The following ICA1 variants were observed in gnomAD, a reference collection of about 807,000 sequenced individuals.
ICA1 encodes 69 kDa islet cell autoantigen.
Under a neutral mutation model 71.0 loss-of-function variants are expected in ICA1, and 40 were observed. The observed-to-expected ratio is 0.56, with a 90% CI of 0.44 to 0.73. The LOEUF is 0.73. Ranked by LOEUF, ICA1 falls within the 30% of genes least tolerant of loss-of-function variation. The pLI, the probability that ICA1 is intolerant of heterozygous loss-of-function variation, is 0.00. For synonymous variants in ICA1, 207 were observed against 209.5 expected (o/e 0.99, Z 0.10); for missense variants, 578 against 576.5 (o/e 1.00, Z -0.03).
chr7:8,190,850 G>A (rs1212924000), intron 6 of ICA1, among the ~76,000 whole-genome samples: 1 of 152,222 alleles, frequency 6.6e-6, no homozygotes, highest in Non-Finnish European at 1.5e-5. Flanking sequence ...TCTGGGCTGA[G>A]TGTTTAGGGA....
chr7:8,200,248 A>G (rs1182557887), intron 6 of ICA1, among the ~76,000 whole-genome samples: 2 of 140,726 alleles, frequency 1.4e-5, no homozygotes, highest in Non-Finnish European at 3.0e-5. Flanking sequence ...CTGAACATTT[A>G]TTCAGTTAAA....
At chr7:8,136,650 A>G (rs2128106935) in intron 12 of ICA1, among the ~76,000 whole-genome samples, 1 of 152,350 alleles carries the variant, frequency 6.6e-6, no homozygotes, top group African/African-American at 2.4e-5. Context: ...GAGAAAGAGA[A>G]AAGACAAATT....
At chr7:8,139,097 A>G in intron 10 of ICA1, 50 bp from the exon 11 acceptor site, 1 of 1,401,630 alleles carries the variant, frequency 7.1e-7, no homozygotes, top group South Asian at 1.2e-5. Flanking sequence ...AATGGTGTGC[A>G]TGTTCATACG....
chr7:8,146,175 G>A (rs1010716489), intron 8 of ICA1, among the ~76,000 whole-genome samples: 6 of 152,164 alleles, frequency 3.9e-5, no homozygotes, highest in Admixed American at 3.3e-4. Context: ...ATTAGCTAGC[G>A]ATGGGTCTAG....
At chr7:8,169,047 C>A (rs539963374) in intron 6 of ICA1, among the ~76,000 whole-genome samples, 72 of 152,252 alleles carry the variant, frequency 4.7e-4, no homozygotes, top group African/African-American at 1.7e-3. Context: ...AACTACTAAT[C>A]TGACTTCTGT....
intron 6 of ICA1, among the ~76,000 whole-genome samples, chr7:8,177,830 T>A (rs1781066844): frequency 6.6e-6 from 1 of 152,156 alleles, no homozygotes; most frequent in South Asian, 2.1e-4. Context: ...CTGAATAGAG[T>A]GAATGGGGAA....
At chr7:8,180,882 A>G (rs1385618798) in intron 6 of ICA1, among the ~76,000 whole-genome samples, 1 of 149,914 alleles carries the variant, frequency 6.7e-6, no homozygotes, top group Non-Finnish European at 1.5e-5. Flanking sequence ...TGTTCTGGAT[A>G]CAAGTCCCTT....
intron 2 of ICA1, 27 bp from the exon 3 acceptor site, chr7:8,232,782 T>C: frequency 6.6e-7 from 1 of 1,517,012 alleles, no homozygotes; most frequent in Non-Finnish European, 8.9e-7. Context: ...AACTATTTTA[T>C]TCACACCTTT....
intron 6 of ICA1, among the ~76,000 whole-genome samples, chr7:8,189,571 T>G (rs1724249856): frequency 6.6e-6 from 1 of 152,230 alleles, no homozygotes; most frequent in Non-Finnish European, 1.5e-5. Flanking sequence ...TCTTCTTCTT[T>G]TTTTTAAATG....
chr7:8,120,661 T>C (rs774290692), intron 13 of ICA1, among the ~76,000 whole-genome samples: 39 of 152,102 alleles, frequency 2.6e-4, no homozygotes, highest in Non-Finnish European at 4.0e-4. Context: ...GAGAACAAAA[T>C]GACTACCCTA....
At chr7:8,200,680 T>A (rs553998177) in intron 6 of ICA1, among the ~76,000 whole-genome samples, 2 of 152,326 alleles carry the variant, frequency 1.3e-5, no homozygotes, top group African/African-American at 4.8e-5. Context: ...TAGACTGTAG[T>A]TGACTACTGA....
chr7:8,208,663 G>T (rs968757450), intron 6 of ICA1, among the ~76,000 whole-genome samples: 1 of 152,184 alleles, frequency 6.6e-6, no homozygotes, highest in Non-Finnish European at 1.5e-5. Flanking sequence ...AACTACAGAG[G>T]CGAGAGATAG....
At chr7:8,152,897 C>T (rs201691310) in intron 8 of ICA1, among the ~76,000 whole-genome samples, 1 of 99,168 alleles carries the variant, frequency 1.0e-5, no homozygotes, top group East Asian at 3.5e-4. Flanking sequence ...CCACTACCAC[C>T]ATTATCTCCT....
chr7:8,238,064 T>G (rs1399424211), intron 1 of ICA1, among the ~76,000 whole-genome samples: 1 of 152,208 alleles, frequency 6.6e-6, no homozygotes, highest in Non-Finnish European at 1.5e-5. Context: ...TTATGTCGTT[T>G]TGCCTAAAGT....
Position 8,222,905 on chromosome 7 carries a change from G to A in ICA1, c.257-1507C>T. Among the ~76,000 whole-genome samples, 1 of 152,094 alleles carries A rather than the reference G, an allele frequency of 6.6e-6. No individual in the cohort carries two copies. The highest frequency in any genetic ancestry group is 6.6e-5 in the Admixed American group (1 of 15,260). ...GGGGGCTCTAAGCTTTCCAAGACAGGGATCTCACCCAAACTTTGTATTCCC... is the reference window on the plus strand; with the variant it reads ...GGGGGCTCTAAGCTTTCCAAGACAGAGATCTCACCCAAACTTTGTATTCCC... On this transcript the variant is annotated intron_variant, in intron 4 of 13. Transcript: ENST00000402384. This position sits in a 1 kb window ranked among gnomAD's most constrained non-coding sequence, Gnocchi z 4.8.
intron 12 of ICA1, among the ~76,000 whole-genome samples, chr7:8,129,114 T>C (rs1381079622): frequency 6.6e-6 from 1 of 152,228 alleles, no homozygotes; most frequent in Non-Finnish European, 1.5e-5. Context: ...TCAGAAATCT[T>C]ACACCAAGTC....
chr7:8,209,629 C>T (rs1346173636), intron 6 of ICA1, among the ~76,000 whole-genome samples: 3 of 152,174 alleles, frequency 2.0e-5, no homozygotes, highest in Non-Finnish European at 4.4e-5. Flanking sequence ...CCTATTTGCT[C>T]ATTTGATAAA....
intron 1 of ICA1, among the ~76,000 whole-genome samples, chr7:8,244,139 C>T (rs542043706): frequency 5.9e-5 from 9 of 152,290 alleles, no homozygotes; most frequent in Admixed American, 1.3e-4. Flanking sequence ...GGAGGCATCA[C>T]GCTACCTGAC....
In ICA1 at chr7:8,213,081, CA is replaced by C. The variant is rs375162849; in HGVS notation, c.579+5223del. 1.3e-3 allele frequency among the ~76,000 whole-genome samples: 201 copies of C among 152,240 alleles called. 1 individual carries two copies. Among genetic ancestry groups the C allele is most frequent in the African/African-American group, 4.6e-3 (193 of 41,548 alleles). ...GCTAGAGTCAATCTACTTGAATCCACAAAAAACAGGCACCCCAGTTAAACAA... is the reference window on the plus strand; with the variant it reads ...GCTAGAGTCAATCTACTTGAATCCACAAAAACAGGCACCCCAGTTAAACAA... On this transcript the variant is annotated intron_variant, in intron 6 of 13. Coordinates refer to ENST00000402384, the MANE Select transcript of ICA1 (RefSeq NM_001136020.3).
Sources: gnomAD v4.1 joint callset for allele counts (sites outside exome capture counted in the v4.1 genomes callset) on GRCh38, gnomAD v4.1.1 for gene constraint, Gnocchi (gnomAD v3.1) non-coding constraint, MANE v1.5 for transcripts, NCBI Gene and HGNC (gene_info 2026-07-23, HGNC 2026-07-21) for gene names.